PNPLA8: variants seen among roughly 807,000 people sequenced by gnomAD.
The protein encoded by PNPLA8 is patatin like domain 8, phospholipase A2.
PNPLA8 carries 39 observed loss-of-function variants against 76.9 expected under a neutral mutation model. That is an observed-to-expected ratio of 0.51 (90% confidence interval 0.39 to 0.66). The LOEUF (loss-of-function observed/expected upper bound fraction) is 0.66. Among genes scored for constraint, PNPLA8 ranks in the 30% least tolerant of loss-of-function variants. The pLI is 0.00. For synonymous variants in PNPLA8, 301 were observed against 307.9 expected (o/e 0.98, Z 0.24); for missense variants, 887 against 918.0 (o/e 0.97, Z 0.44).
At chr7:108,482,194 G>A (rs1860444434) in intron 9 of PNPLA8, among the ~76,000 whole-genome samples, 1 of 152,184 alleles carries the variant, frequency 6.6e-6, no homozygotes, top group Admixed American at 6.5e-5. Context: ...GTTTAGGCCA[G>A]GTGCAGTGGC....
chr7:108,507,009 C>G (rs1862481962), intron 4 of PNPLA8, among the ~76,000 whole-genome samples: 1 of 151,968 alleles, frequency 6.6e-6, no homozygotes, highest in Non-Finnish European at 1.5e-5. Flanking sequence ...ACAAATTCAG[C>G]ATTTTAAAAA....
chr7:108,479,475 G>C (rs2154514834), intron 9 of PNPLA8, 96 bp from the exon 10 acceptor site: 1 of 862,056 alleles, frequency 1.2e-6, no homozygotes, highest in East Asian at 2.7e-5. Context: ...AAAACCAAGA[G>C]GTTCCTTAAA....
At chr7:108,493,557 C>T (rs1176571332) in intron 7 of PNPLA8, among the ~76,000 whole-genome samples, 1 of 148,190 alleles carries the variant, frequency 6.7e-6, no homozygotes, top group Admixed American at 6.7e-5. Context: ...GGCGCCCGCC[C>T]CCATGCCTGG....
chr7:108,505,334 A>T (rs1477105880), intron 4 of PNPLA8, among the ~76,000 whole-genome samples: 2 of 5,488 alleles, frequency 3.6e-4, no homozygotes, highest in Admixed American at 6.5e-3. Flanking sequence ...ATATATATAT[A>T]TATATATATA....
At chr7:108,495,101 G>A (rs1861458666) in intron 7 of PNPLA8, among the ~76,000 whole-genome samples, 1 of 152,128 alleles carries the variant, frequency 6.6e-6, no homozygotes, top group East Asian at 1.9e-4. Flanking sequence ...ACAAATTGAT[G>A]TTGGCAGATG....
intron 7 of PNPLA8, among the ~76,000 whole-genome samples, chr7:108,492,102 T>C (rs368304468): frequency 9.9e-5 from 15 of 152,218 alleles, no homozygotes; most frequent in East Asian, 7.7e-4. Context: ...TTTTCCAGAC[T>C]TAAAAATTAT....
At chr7:108,500,944 C>G (rs969610106) in intron 5 of PNPLA8, among the ~76,000 whole-genome samples, 14 of 151,884 alleles carry the variant, frequency 9.2e-5, no homozygotes, top group African/African-American at 3.4e-4. Context: ...GTACATTTTT[C>G]CTTCCTCCTG....
intron 10 of PNPLA8, among the ~76,000 whole-genome samples, chr7:108,478,924 C>A (rs989937594): frequency 6.6e-6 from 1 of 152,214 alleles, no homozygotes. Flanking sequence ...AAATGTTGTG[C>A]TATCCAGCTT....
chr7:108,470,802 C>G lies in PNPLA8; in HGVS notation c.*1599G>C, dbSNP rs575194712. 6.6e-6 allele frequency: 1 copy of G among 152,198 alleles called. No homozygotes were observed. The highest frequency in any genetic ancestry group is 1.5e-5 in the Non-Finnish European group (1 of 68,014). 9.4% of individuals were successfully genotyped at this position (152,198 alleles called of 1,614,324 possible). Reference sequence around the variant, plus strand: ...GGATGTTAGAAAATTTTACAGCTACCTTTCCTCATTTTACAAATGAGATAT... The same window carrying G: ...GGATGTTAGAAAATTTTACAGCTACGTTTCCTCATTTTACAAATGAGATAT... On this transcript the variant is annotated 3_prime_UTR_variant, in exon 11 of 11. Transcript: ENST00000257694.
chr7:108,515,213 T>A lies in PNPLA8; in HGVS notation c.279A>T (p.Gly93=), dbSNP rs773146330. Residue 93 remains glycine (G), a synonymous_variant, in exon 3 of 11, where the codon GGA becomes GGT. Transcript: ENST00000257694. ...ACATACAAATGTTCACTTTTGTAAG[T>A]CCCTTGGGAGCAGAAGTGCTAAGTT... The part of the protein sequence containing the change: ...ILKLSTSAPK[G]LTKVNICMSR... 1.9e-6 allele frequency: 3 copies of A among 1,604,280 alleles called. No homozygotes were observed. The highest frequency in any genetic ancestry group is 2.6e-6 in the Non-Finnish European group (3 of 1,173,602).
chr7:108,479,385 A>G lies in PNPLA8; in HGVS notation c.1879-6T>C, dbSNP rs1860234707. 1.3e-6 allele frequency: 2 copies of G among 1,592,498 alleles called. No homozygotes were observed. Among genetic ancestry groups the G allele is most frequent in the East Asian group, 4.5e-5 (2 of 44,652 alleles). ...TTCAGAAGCAAACCTCCATCCTGCA[A>G]AATACAAGTTAAAAAAAGAAACTTT... On this transcript the variant is annotated splice_region_variant and splice_polypyrimidine_tract_variant and intron_variant, in intron 9 of 10. Coordinates refer to ENST00000257694, the MANE Select transcript of PNPLA8 (RefSeq NM_001256007.3).
chr7:108,519,902 A>C (rs776729991), intron 2 of PNPLA8, among the ~76,000 whole-genome samples: 1 of 151,830 alleles, frequency 6.6e-6, no homozygotes, highest in Non-Finnish European at 1.5e-5. Flanking sequence ...TTCACAAGAT[A>C]AAGTCTGTCT....
intron 5 of PNPLA8, among the ~76,000 whole-genome samples, chr7:108,498,274 T>A (rs1443730387): frequency 6.8e-6 from 1 of 147,698 alleles, no homozygotes; most frequent in African/African-American, 2.5e-5. Flanking sequence ...TTTCACCAGA[T>A]TTTTTTTTTT....
chr7:108,478,312 T>C (rs1860142604), intron 10 of PNPLA8, among the ~76,000 whole-genome samples: 1 of 152,146 alleles, frequency 6.6e-6, no homozygotes, highest in Non-Finnish European at 1.5e-5. Context: ...CACCAAGAAT[T>C]ATCCGGTGGT....
At chr7:108,488,317 C>T (rs1010439909) in intron 8 of PNPLA8, among the ~76,000 whole-genome samples, 2 of 152,218 alleles carry the variant, frequency 1.3e-5, no homozygotes, top group Non-Finnish European at 2.9e-5. Context: ...CAGTGGCTCA[C>T]GCCAGTAATC....
intron 8 of PNPLA8, among the ~76,000 whole-genome samples, chr7:108,490,796 A>C (rs1861108122): frequency 6.6e-6 from 1 of 152,008 alleles, no homozygotes; most frequent in Non-Finnish European, 1.5e-5. Context: ...AAAAAAAAAA[A>C]AACTAGGGTA....
At chr7:108,489,784 A>T (rs1861010013) in intron 8 of PNPLA8, among the ~76,000 whole-genome samples, 1 of 152,262 alleles carries the variant, frequency 6.6e-6, no homozygotes, top group Non-Finnish European at 1.5e-5. Context: ...ATCTGAGAAT[A>T]AATACAAGCT....
chr7:108,525,880 G>T (rs890571189), intron 1 of PNPLA8, 149 bp downstream of exon 1: 1 of 214,778 alleles, frequency 4.7e-6, no homozygotes, highest in Non-Finnish European at 8.0e-6. Context: ...TCCAGCGCCA[G>T]CTCCTCCCCA....
chr7:108,525,969 G>T, intron 1 of PNPLA8, 60 bp downstream of exon 1: 1 of 777,002 alleles, frequency 1.3e-6, no homozygotes, highest in Non-Finnish European at 1.6e-6. Context: ...GCCGGACAAG[G>T]GTCCAGAACG....
Sources: gnomAD v4.1 joint callset for allele counts (sites outside exome capture counted in the v4.1 genomes callset) on GRCh38, gnomAD v4.1.1 for gene constraint, MANE v1.5 for transcripts, NCBI Gene and HGNC (gene_info 2026-07-23, HGNC 2026-07-21) for gene names.